The following RBFOX1 variants were observed in gnomAD, a reference collection of about 807,000 sequenced individuals.
RBFOX1 encodes the protein RNA binding protein fox-1 homolog 1.
Under a neutral mutation model 57.7 loss-of-function variants are expected in RBFOX1, and 8 were observed. The ratio of observed to expected loss-of-function variants is 0.14; its 90% CI spans 0.08 to 0.25. The LOEUF is 0.25. Ranked by LOEUF, RBFOX1 falls within the 10% of genes least tolerant of loss-of-function variation. RBFOX1 has a pLI of 1.00. For synonymous variants in RBFOX1, 326 were observed against 222.4 expected (o/e 1.47, Z -4.15); for missense variants, 611 against 548.5 (o/e 1.11, Z -1.14).
intron 1 of RBFOX1, among the ~76,000 whole-genome samples, chr16:5,287,795 A>G (rs1280122155): frequency 3.3e-5 from 5 of 152,192 alleles, no homozygotes; most frequent in African/African-American, 1.2e-4. Flanking sequence ...TAGACACAGG[A>G]CTAAACCCAA....
intron 1 of RBFOX1, among the ~76,000 whole-genome samples, chr16:6,229,023 A>G (rs564630602): frequency 1.3e-5 from 2 of 152,100 alleles, no homozygotes; most frequent in South Asian, 2.1e-4. Context: ...TGTGCCCCAC[A>G]ATTGTTGGAG....
chr16:6,932,306 C>T (rs1481307482), intron 3 of RBFOX1, among the ~76,000 whole-genome samples: 1 of 152,118 alleles, frequency 6.6e-6, no homozygotes, highest in African/African-American at 2.4e-5. Flanking sequence ...GGGGTTTCAC[C>T]CTGTTGGCCA....
chr16:7,677,132 T>TACACACACACACACAC (rs59379802), intron 14 of RBFOX1, among the ~76,000 whole-genome samples: 1,844 of 137,900 alleles, frequency 0.013, 37 homozygotes, highest in African/African-American at 0.018. Context: ...CACATACACA[T>TACACACACACACACAC]ACACACACAC....
chr16:6,111,172 A>G (rs1567480619), intron 1 of RBFOX1, among the ~76,000 whole-genome samples: 1 of 152,218 alleles, frequency 6.6e-6, no homozygotes, highest in Non-Finnish European at 1.5e-5. Flanking sequence ...AATGATATTC[A>G]TAATTCTTAA....
chr16:5,430,302 C>T (rs539913628), intron 1 of RBFOX1, among the ~76,000 whole-genome samples: 1 of 152,192 alleles, frequency 6.6e-6, no homozygotes, highest in South Asian at 2.1e-4. Context: ...AAAGTGACAC[C>T]TGAAAGATAA....
At chr16:5,319,028 G>T (rs34182349) in intron 1 of RBFOX1, among the ~76,000 whole-genome samples, 22,644 of 152,144 alleles carry the variant, frequency 0.15, 1,765 homozygotes, top group South Asian at 0.19. Context: ...TTGGGAGGCT[G>T]AGGCAGGAGA....
chr16:6,713,331 G>A (rs944981231), intron 3 of RBFOX1, among the ~76,000 whole-genome samples: 2 of 152,008 alleles, frequency 1.3e-5, no homozygotes, highest in Non-Finnish European at 2.9e-5. Context: ...AGTCTCACGG[G>A]AGTCTTGATG....
chr16:7,590,814 A>T (rs545567628), intron 7 of RBFOX1, among the ~76,000 whole-genome samples: 1 of 150,852 alleles, frequency 6.6e-6, no homozygotes, highest in African/African-American at 2.4e-5. Flanking sequence ...AGCCGAGATC[A>T]AGACATTGCA....
intron 2 of RBFOX1, among the ~76,000 whole-genome samples, chr16:6,556,226 C>G (rs1015457460): frequency 7.9e-5 from 12 of 152,196 alleles, no homozygotes; most frequent in Admixed American, 5.2e-4. Flanking sequence ...ATCAACGTCT[C>G]TCTATCTACT....
chr16:6,966,785 ATCTATCTGTCTG>A lies in RBFOX1; in HGVS notation c.-15-85268_-15-85257del, dbSNP rs1227151149. ...TGTCTATCTATCTATCTATCTATCT[ATCTATCTGTCTG>A]TCTGTCTGTCTGTCTGTCTGTCTAT... On this transcript the variant is annotated intron_variant, in intron 3 of 15. Coordinates refer to ENST00000550418, the MANE Select transcript of RBFOX1 (RefSeq NM_018723.4). Among the ~76,000 whole-genome samples, 29 of 53,988 alleles carry A rather than the reference ATCTATCTGTCTG, an allele frequency of 5.4e-4. No individual in the cohort carries two copies. In the East Asian group the frequency reaches 6.9e-3, roughly 13 times the overall value. The allele number at this position is 53,988 out of a possible 152,430, so 35.4% of individuals were successfully genotyped here.
chr16:5,671,824 A>G (rs2050020522), intron 3 of RBFOX1, among the ~76,000 whole-genome samples: 1 of 152,204 alleles, frequency 6.6e-6, no homozygotes. Flanking sequence ...TGACTATTCA[A>G]ATTATATCTC....
intron 3 of RBFOX1, among the ~76,000 whole-genome samples, chr16:6,933,492 C>G (rs896219794): frequency 1.3e-5 from 2 of 152,196 alleles, no homozygotes; most frequent in Non-Finnish European, 2.9e-5. Flanking sequence ...GCAGGCAGAT[C>G]ACCTGAGGTC....
At chr16:7,164,540 G>A (rs1371905309) in intron 4 of RBFOX1, among the ~76,000 whole-genome samples, 1 of 152,142 alleles carries the variant, frequency 6.6e-6, no homozygotes, top group East Asian at 1.9e-4. Flanking sequence ...AACCAGAAAA[G>A]AGTAAAATTT....
chr16:6,010,400 G>A (rs1275028711), intron 4 of RBFOX1, among the ~76,000 whole-genome samples: 1 of 152,204 alleles, frequency 6.6e-6, no homozygotes, highest in Non-Finnish European at 1.5e-5. Flanking sequence ...GCTCCAAGAA[G>A]TCTTTATTTG....
chr16:6,144,285 C>G lies in RBFOX1; in HGVS notation c.-127+124293C>G, dbSNP rs372198855. Among the ~76,000 whole-genome samples, 10 of 152,206 alleles carry G rather than the reference C, an allele frequency of 6.6e-5. No homozygotes were observed. In the South Asian group the frequency reaches 2.1e-3, roughly 32 times the overall value. On this transcript the variant is annotated intron_variant, in intron 1 of 15. Coordinates refer to ENST00000550418, the MANE Select transcript of RBFOX1 (RefSeq NM_018723.4). ...AATTTATTAGGCATATTGTTCCTAT[C>G]CAGAGATGGGCTTCCTGCTTCAGTT... is the stretch of plus-strand genomic sequence containing the variant.
intron 3 of RBFOX1, among the ~76,000 whole-genome samples, chr16:6,759,569 A>T (rs909523256): frequency 6.7e-6 from 1 of 150,192 alleles, no homozygotes; most frequent in Non-Finnish European, 1.5e-5. Context: ...TTTCATTGTT[A>T]GGATATGAGT....
At chr16:6,578,612 T>TGTGTGTGTGTGTGTGTGTGTGTGTGGGG (rs373655762) in intron 2 of RBFOX1, among the ~76,000 whole-genome samples, 1 of 147,004 alleles carries the variant, frequency 6.8e-6, no homozygotes, top group Non-Finnish European at 1.5e-5. Context: ...TGTGTGTGTG[T>TGTGTGTGTGTGTGTGTGTGTGTGTGGGG]GAGCATGGGA....
intron 4 of RBFOX1, among the ~76,000 whole-genome samples, chr16:7,385,975 G>C (rs1403816189): frequency 2.7e-4 from 38 of 141,548 alleles, no homozygotes; most frequent in Non-Finnish European, 3.1e-5. Flanking sequence ...ATTTTTAGTA[G>C]AGACGGAGTT....
At chr16:6,283,894 A>G (rs1489959059) in intron 1 of RBFOX1, among the ~76,000 whole-genome samples, 2 of 152,326 alleles carry the variant, frequency 1.3e-5, no homozygotes, top group Admixed American at 1.3e-4. Context: ...CGCTAAACCG[A>G]CTTTGTTTCT....
Sources: allele counts gnomAD v4.1 joint callset (sites outside exome capture counted in the v4.1 genomes callset), GRCh38; gene constraint gnomAD v4.1.1; transcripts MANE v1.5; gene names NCBI Gene and HGNC (gene_info 2026-07-23, HGNC 2026-07-21).